The following TAFA2 variants were observed in gnomAD, a reference collection of about 807,000 sequenced individuals.
TAFA2 encodes chemokine-like protein TAFA-2.
Under a neutral mutation model 18.8 loss-of-function variants are expected in TAFA2, and 7 were observed. The observed-to-expected ratio is 0.37, with a 90% CI of 0.21 to 0.70. The LOEUF (loss-of-function observed/expected upper bound fraction) is 0.70, where lower values mean the gene tolerates loss of function less well. Ranked by LOEUF, TAFA2 falls within the 30% of genes least tolerant of loss-of-function variation. The probability of loss-of-function intolerance (pLI) is 0.53; values close to 1 mark genes in which losing one functional copy is unlikely to be tolerated. For synonymous variants in TAFA2, 60 were observed against 54.2 expected, an observed-to-expected ratio of 1.11 and a Z score of -0.47; for missense variants, 122 against 158.1, an observed-to-expected ratio of 0.77 and a Z score of 1.23.
intron 1 of TAFA2, among the ~76,000 whole-genome samples, chr12:62,079,658 T>G (rs974903643): frequency 2.0e-5 from 3 of 149,622 alleles, no homozygotes; most frequent in Admixed American, 1.3e-4. Flanking sequence ...AGCAAGACTC[T>G]GTCTCAAAAA....
chr12:61,815,561 G>C (rs1177925915), intron 2 of TAFA2, among the ~76,000 whole-genome samples: 1 of 150,900 alleles, frequency 6.6e-6, no homozygotes, highest in Non-Finnish European at 1.5e-5. Context: ...TACTCGGGAG[G>C]CTGAGGCGGG....
intron 1 of TAFA2, among the ~76,000 whole-genome samples, chr12:62,165,532 T>C (rs1301300746): frequency 2.0e-5 from 3 of 152,106 alleles, no homozygotes; most frequent in Non-Finnish European, 2.9e-5. Flanking sequence ...GATGTTGTGA[T>C]ATTATCTCAA....
At chr12:62,007,780 C>G (rs1355466760) in intron 1 of TAFA2, among the ~76,000 whole-genome samples, 1 of 110,036 alleles carries the variant, frequency 9.1e-6, no homozygotes, top group Admixed American at 1.0e-4. Context: ...GTATAATGAT[C>G]AAATCAATGT....
chr12:61,818,490 T>TAC (rs3034071), intron 2 of TAFA2, among the ~76,000 whole-genome samples: 18,692 of 140,638 alleles, frequency 0.13, 1,181 homozygotes, highest in East Asian at 0.2. Flanking sequence ...CTCAAAAAAA[T>TAC]ACACACACAC....
In TAFA2 at chr12:62,103,387, C is replaced by T. The variant is rs1869294521; in HGVS notation, c.-2+87872G>A. ...AGCAATGATCTGTTATTATCCAGTC[C>T]AATATATGAAGGGTGTCTTCAAACA... On this transcript the variant is annotated intron_variant, in intron 1 of 4. Transcript: ENST00000416284. 3.3e-5 allele frequency among the ~76,000 whole-genome samples: 5 copies of T among 152,120 alleles called. 1 individual carries two copies. The South Asian group carries it at 1.0e-3, about 32-fold the overall frequency.
At chr12:62,027,950 C>G (rs1400856894) in intron 1 of TAFA2, among the ~76,000 whole-genome samples, 1 of 152,118 alleles carries the variant, frequency 6.6e-6, no homozygotes, top group East Asian at 1.9e-4. Context: ...CCCTGGTTCC[C>G]TGTTATCCAA....
upstream of TAFA2, among the ~76,000 whole-genome samples, chr12:62,195,780 C>A (rs1036945300): frequency 1.3e-5 from 2 of 152,096 alleles, no homozygotes; most frequent in African/African-American, 4.8e-5. Flanking sequence ...TATTATAATT[C>A]TTAAGGGCCA....
intron 1 of TAFA2, among the ~76,000 whole-genome samples, chr12:61,970,761 T>C (rs2136664469): frequency 6.9e-6 from 1 of 145,348 alleles, no homozygotes; most frequent in South Asian, 2.2e-4. Context: ...TAAAAGCTAG[T>C]GCAAGAATCA....
chr12:61,734,891 G>C (rs1216861424), intron 4 of TAFA2, among the ~76,000 whole-genome samples: 1 of 151,696 alleles, frequency 6.6e-6, no homozygotes, highest in African/African-American at 2.4e-5. Flanking sequence ...CCAAATACCA[G>C]TATACTCACT....
chr12:62,234,362 C>T lies in TAFA2; in HGVS notation c.-130+24401G>A, dbSNP rs183264094. 8.9e-5 allele frequency: 54 copies of T among 604,202 alleles called. No individual in the cohort carries two copies. The East Asian group carries it at 2.1e-3, about 24-fold the overall frequency. The allele number at this position is 604,202 out of a possible 1,614,324, so 37.4% of individuals were successfully genotyped here. The stretch of plus-strand genomic sequence containing the variant: ...CAGTTGCCAGGTCCAGTGTTCTCTG[C>T]CTAGAATCCTCTTCCTTCATTCACC... On this transcript the variant is annotated intron_variant, in intron 1 of 5. Coordinates refer to the TAFA2 transcript ENST00000551619.
intron 1 of TAFA2, among the ~76,000 whole-genome samples, chr12:61,963,030 C>T (rs1389321885): frequency 1.3e-4 from 20 of 152,144 alleles, no homozygotes; most frequent in Admixed American, 1.3e-3. Context: ...CCAGCTTTAT[C>T]CATGTCTCTG....
At chr12:62,137,958 C>T (rs572609164) in intron 1 of TAFA2, among the ~76,000 whole-genome samples, 38 of 152,120 alleles carry the variant, frequency 2.5e-4, no homozygotes, top group Non-Finnish European at 4.6e-4. Context: ...CAAAATCCTC[C>T]TGTCTAGCCT....
intron 1 of TAFA2, among the ~76,000 whole-genome samples, chr12:62,072,040 C>T (rs1882644150): frequency 6.6e-6 from 1 of 152,168 alleles, no homozygotes; most frequent in Non-Finnish European, 1.5e-5. Flanking sequence ...TATTTTTTCA[C>T]ACTCATTTTT....
At chr12:62,173,711 A>G (rs1189404278) in intron 1 of TAFA2, among the ~76,000 whole-genome samples, 1 of 152,194 alleles carries the variant, frequency 6.6e-6, no homozygotes, top group African/African-American at 2.4e-5. Flanking sequence ...AATGCTAAGT[A>G]TCAAACAACC....
At chr12:61,791,969 G>A (rs1870999972) in intron 2 of TAFA2, among the ~76,000 whole-genome samples, 2 of 151,528 alleles carry the variant, frequency 1.3e-5, no homozygotes, top group Non-Finnish European at 3.0e-5. Context: ...ATCAACCTAA[G>A]TATCCAGTAA....
At chr12:61,936,546 T>G (rs568683353) in intron 1 of TAFA2, among the ~76,000 whole-genome samples, 46 of 151,798 alleles carry the variant, frequency 3.0e-4, no homozygotes, top group African/African-American at 1.1e-3. Context: ...CCAGCCTGGG[T>G]GACAGAATGA....
At chr12:61,828,022 T>C (rs1872587261) in intron 2 of TAFA2, among the ~76,000 whole-genome samples, 2 of 151,982 alleles carry the variant, frequency 1.3e-5, no homozygotes, top group Non-Finnish European at 2.9e-5. Flanking sequence ...AATGTGAGAA[T>C]GTTTTTGACC....
At chr12:62,220,795 G>A (rs2062757192) in intron 1 of TAFA2, among the ~76,000 whole-genome samples, 1 of 152,040 alleles carries the variant, frequency 6.6e-6, no homozygotes, top group African/African-American at 2.4e-5. Context: ...AAGAACAAAG[G>A]AAGGAAGAGC....
At chr12:61,999,064 T>C (rs1036411545) in intron 1 of TAFA2, among the ~76,000 whole-genome samples, 9 of 152,228 alleles carry the variant, frequency 5.9e-5, no homozygotes, top group African/African-American at 2.2e-4. Flanking sequence ...AATACAAGAC[T>C]TCCTTACTAC....
Sources: gnomAD v4.1 joint callset for allele counts (sites outside exome capture counted in the v4.1 genomes callset) on GRCh38, gnomAD v4.1.1 for gene constraint, MANE v1.5 for transcripts, NCBI Gene and HGNC (gene_info 2026-07-23, HGNC 2026-07-21) for gene names.